CIMAP1D: variants seen among roughly 807,000 people sequenced by gnomAD.
The protein encoded by CIMAP1D is protein CIMAP1D.
the CIMAP1D span, among the ~76,000 whole-genome samples, chr19:480,593 G>A: frequency 1.4e-5 from 2 of 147,722 alleles, no homozygotes; most frequent in Admixed American, 1.3e-4. Context: ...AAGGAATGTG[G>A]GAAGGTGATG....
chr19:470,450 G>A, the CIMAP1D span, among the ~76,000 whole-genome samples: 1 of 151,622 alleles, frequency 6.6e-6, no homozygotes, highest in African/African-American at 2.4e-5. Flanking sequence ...TGACCTCGTG[G>A]TCCACCCGCC....
chr19:469,480 A>G, the CIMAP1D span, among the ~76,000 whole-genome samples: 2 of 152,080 alleles, frequency 1.3e-5, no homozygotes, highest in Non-Finnish European at 2.9e-5. Context: ...ACCTGAGGTC[A>G]CGAGTTCGAG....
chr19:464,019 C>G, the CIMAP1D span: 2 of 1,606,050 alleles, frequency 1.2e-6, no homozygotes, highest in Non-Finnish European at 1.7e-6. Context: ...CTCCAGGGGT[C>G]GCGGGGCCCG....
the CIMAP1D span, chr19:474,478 A>G: frequency 1.2e-6 from 1 of 834,230 alleles, no homozygotes; most frequent in Non-Finnish European, 1.7e-6. Flanking sequence ...TCCTGCCGGA[A>G]GGAAAACTGA....
At chr19:488,423 G>C in the CIMAP1D span, among the ~76,000 whole-genome samples, 1 of 152,208 alleles carries the variant, frequency 6.6e-6, no homozygotes, top group African/African-American at 2.4e-5. Context: ...TCGGGAGGCT[G>C]AGGCAGGAGA....
the CIMAP1D span, among the ~76,000 whole-genome samples, chr19:488,331 G>C: frequency 6.6e-6 from 1 of 151,968 alleles, no homozygotes; most frequent in Non-Finnish European, 1.5e-5. Flanking sequence ...GACCATCCTG[G>C]CTAACACGGT....
the CIMAP1D span, among the ~76,000 whole-genome samples, chr19:485,575 A>G: frequency 3.3e-5 from 5 of 152,206 alleles, no homozygotes; most frequent in Non-Finnish European, 7.4e-5. Context: ...AATGGTGGGA[A>G]TGAGGCGGCC....
At chr19:467,764 T>G in the CIMAP1D span, 4 of 1,577,744 alleles carry the variant, frequency 2.5e-6, no homozygotes, top group Non-Finnish European at 3.5e-6. Flanking sequence ...GAGGTGGTGC[T>G]GGGGAGAGGA....
the CIMAP1D span, among the ~76,000 whole-genome samples, chr19:484,139 CTTT>C: frequency 0.17 from 21,249 of 128,086 alleles, 1,090 homozygotes; most frequent in South Asian, 0.23. Context: ...TTTTCTTTTT[CTTT>C]TTTTTTTTTT....
At chr19:486,940 T>TG in the CIMAP1D span, among the ~76,000 whole-genome samples, 1 of 151,624 alleles carries the variant, frequency 6.6e-6, no homozygotes, top group South Asian at 2.1e-4. Context: ...GAAATAGAGA[T>TG]GGGGTTTCAC....
chr19:468,029 C>A, the CIMAP1D span, among the ~76,000 whole-genome samples: 2 of 152,126 alleles, frequency 1.3e-5, no homozygotes, highest in African/African-American at 4.8e-5. Context: ...CTAACCTCTG[C>A]GCAGGTGTGG....
the CIMAP1D span, among the ~76,000 whole-genome samples, chr19:470,457 C>T: frequency 0.016 from 2,373 of 152,022 alleles, 55 homozygotes; most frequent in East Asian, 0.092. Flanking sequence ...GTGGTCCACC[C>T]GCCTCGGCCT....
the CIMAP1D span, among the ~76,000 whole-genome samples, chr19:474,019 G>A: frequency 1.3e-5 from 2 of 151,906 alleles, no homozygotes; most frequent in Non-Finnish European, 2.9e-5. Flanking sequence ...CACGATCACA[G>A]ATGGGGAGAC....
chr19:476,528 C>T, the CIMAP1D span, among the ~76,000 whole-genome samples: 6,349 of 152,218 alleles, frequency 0.042, 306 homozygotes, highest in African/African-American at 0.12. Context: ...ATATAATTCA[C>T]ATACCATACA....
the CIMAP1D span, among the ~76,000 whole-genome samples, chr19:471,165 T>C: frequency 0.056 from 8,498 of 152,348 alleles, 384 homozygotes; most frequent in African/African-American, 0.13. Flanking sequence ...TTTTCTTTTT[T>C]TGAGACGGAG....
At chr19:471,531 C>A in the CIMAP1D span, among the ~76,000 whole-genome samples, 14 of 151,970 alleles carry the variant, frequency 9.2e-5, no homozygotes, top group Admixed American at 7.9e-4. Context: ...CAGCCCCGAC[C>A]TCCTGGGTTC....
chr19:465,053 TGATG>T, the CIMAP1D span, among the ~76,000 whole-genome samples: 2 of 133,654 alleles, frequency 1.5e-5, no homozygotes, highest in Non-Finnish European at 3.1e-5. Flanking sequence ...GGTGGATAGA[TGATG>T]GATGGATGGA....
At chr19:487,371 T>C in the CIMAP1D span, among the ~76,000 whole-genome samples, 1 of 149,466 alleles carries the variant, frequency 6.7e-6, no homozygotes, top group South Asian at 2.1e-4. Context: ...CCGAGGTTTA[T>C]GGCATAACTA....
At chr19:479,411 T>TGGGGGGG in the CIMAP1D span, among the ~76,000 whole-genome samples, 2 of 33,328 alleles carry the variant, frequency 6.0e-5, no homozygotes, top group Non-Finnish European at 1.5e-4. Context: ...TTTTTTTTTT[T>TGGGGGGG]GGGGGGGGGG....
Sources: allele counts gnomAD v4.1 joint callset (sites outside exome capture counted in the v4.1 genomes callset), GRCh38; gene constraint gnomAD v4.1.1; transcripts MANE v1.5; gene names NCBI Gene and HGNC (gene_info 2026-07-23, HGNC 2026-07-21).